Variants in CELF2 observed in about 807,000 individuals in gnomAD.
CELF2 encodes CUG triplet repeat RNA-binding protein 2.
A neutral mutation model predicts 62.6 loss-of-function variants in CELF2; 8 were observed. The ratio of observed to expected loss-of-function variants is 0.13; its 90% confidence interval spans 0.07 to 0.23. The LOEUF is 0.23. Among genes scored for constraint, CELF2 ranks in the 10% least tolerant of loss-of-function variants. CELF2 has a pLI of 1.00. For synonymous variants in CELF2, 258 were observed against 250.0 expected (o/e 1.03, Z -0.30); for missense variants, 333 against 671.0 (o/e 0.50, Z 5.56).
intron 2 of CELF2, among the ~76,000 whole-genome samples, chr10:10,927,600 A>G (rs935711284): frequency 6.6e-6 from 1 of 151,906 alleles, no homozygotes; most frequent in Non-Finnish European, 1.5e-5. Context: ...GCTAATTTTG[A>G]ACATTTTTTG....
chr10:11,221,952 C>T (rs1000294489), intron 3 of CELF2, among the ~76,000 whole-genome samples: 3 of 152,182 alleles, frequency 2.0e-5, no homozygotes, highest in Non-Finnish European at 4.4e-5. Context: ...AACAAATGAG[C>T]CTGATCCAAT....
rs544486942 is a variant in CELF2, at chr10:11,196,848, G to A, written c.272-20577G>A. Among the ~76,000 whole-genome samples, 6 of 150,992 alleles carry A rather than the reference G, an allele frequency of 4.0e-5. No individual in the cohort carries two copies. The South Asian group carries it at 1.3e-3, about 32-fold the overall frequency. ...GGCGCATGCGCTTGTAATCCCAGCC[G>A]CTCATGGGGCTGAGGCAGGAGAATG... On this transcript the variant is annotated intron_variant, in intron 2 of 12. Transcript: ENST00000633077.
chr10:10,831,353 G>C (rs752606672), intron 1 of CELF2, among the ~76,000 whole-genome samples: 8 of 152,218 alleles, frequency 5.3e-5, no homozygotes, highest in Non-Finnish European at 8.8e-5. Context: ...TCTGGAACAA[G>C]GTTTCCGAAG....
At chr10:11,047,804 C>T (rs2063134161) in intron 1 of CELF2, among the ~76,000 whole-genome samples, 1 of 152,110 alleles carries the variant, frequency 6.6e-6, no homozygotes, top group Non-Finnish European at 1.5e-5. Context: ...CATTTTCATT[C>T]TTATGTTGCC....
chr10:11,240,004 G>C (rs763545510), intron 3 of CELF2, among the ~76,000 whole-genome samples: 7 of 152,128 alleles, frequency 4.6e-5, no homozygotes, highest in African/African-American at 7.2e-5. Context: ...GTGAGCTAAC[G>C]TCATGCCATT....
the CELF2 span, among the ~76,000 whole-genome samples, chr10:10,592,393 G>T: frequency 6.6e-6 from 1 of 152,104 alleles, no homozygotes; most frequent in Non-Finnish European, 1.5e-5. Flanking sequence ...AATGGATTCC[G>T]ATTTCTATTT....
the CELF2 span, among the ~76,000 whole-genome samples, chr10:10,515,759 C>G: frequency 6.6e-6 from 1 of 152,104 alleles, no homozygotes; most frequent in African/African-American, 2.4e-5. Flanking sequence ...AGTAGGCATG[C>G]GAATTTGGGT....
intron 1 of CELF2, among the ~76,000 whole-genome samples, chr10:11,084,945 A>G (rs1163754738): frequency 6.6e-6 from 1 of 152,224 alleles, no homozygotes; most frequent in Admixed American, 6.5e-5. Context: ...ACACATTAAA[A>G]GTATCCTTTT....
At chr10:11,168,662 C>G (rs1430051048) in intron 2 of CELF2, among the ~76,000 whole-genome samples, 1 of 152,158 alleles carries the variant, frequency 6.6e-6, no homozygotes, top group Non-Finnish European at 1.5e-5. Context: ...TGATTCATTG[C>G]CTTACCCGTG....
chr10:11,216,249 C>G (rs1327077185), intron 2 of CELF2, among the ~76,000 whole-genome samples: 2 of 152,158 alleles, frequency 1.3e-5, no homozygotes, highest in African/African-American at 4.8e-5. Flanking sequence ...ATTTCTCTTC[C>G]AAACGAGGAA....
the CELF2 span, among the ~76,000 whole-genome samples, chr10:10,762,448 T>C: frequency 6.6e-6 from 1 of 152,140 alleles, no homozygotes; most frequent in Non-Finnish European, 1.5e-5. Context: ...GAAAATCATC[T>C]GAGAATTTCG....
the CELF2 span, among the ~76,000 whole-genome samples, chr10:10,522,822 G>A: frequency 4.6e-5 from 7 of 152,114 alleles, no homozygotes; most frequent in African/African-American, 1.2e-4. Context: ...CACCTGCCTC[G>A]GCCTCCCAAA....
At chr10:10,637,864 T>C in the CELF2 span, among the ~76,000 whole-genome samples, 1 of 152,310 alleles carries the variant, frequency 6.6e-6, no homozygotes, top group Non-Finnish European at 1.5e-5. Context: ...AGGGGTTAAG[T>C]AGAATTTCTG....
chr10:11,118,011 A>C (rs182308061), intron 1 of CELF2, among the ~76,000 whole-genome samples: 1 of 152,220 alleles, frequency 6.6e-6, no homozygotes, highest in South Asian at 2.1e-4. Context: ...TTTAAAAAAC[A>C]AAAGGGTAAT....
the CELF2 span, among the ~76,000 whole-genome samples, chr10:10,491,878 C>T: frequency 2.0e-5 from 3 of 152,098 alleles, no homozygotes; most frequent in African/African-American, 2.4e-5. Context: ...CCCAAATGAT[C>T]GTCTTTTCAT....
the CELF2 span, among the ~76,000 whole-genome samples, chr10:10,630,502 C>A: frequency 2.0e-5 from 3 of 152,166 alleles, no homozygotes; most frequent in African/African-American, 7.2e-5. Context: ...AATCATGAAG[C>A]ACCTTTCCTC....
At chr10:11,326,542 T>G (rs1040524669) in intron 12 of CELF2, among the ~76,000 whole-genome samples, 8 of 152,336 alleles carry the variant, frequency 5.3e-5, no homozygotes, top group South Asian at 2.1e-4. Context: ...TATCAGAGAC[T>G]CAGCTGCCAT....
At chr10:11,058,097 G>C (rs2065763730) in intron 1 of CELF2, among the ~76,000 whole-genome samples, 1 of 150,232 alleles carries the variant, frequency 6.7e-6, no homozygotes, top group Non-Finnish European at 1.5e-5. Flanking sequence ...GGAATCTAAT[G>C]TTAAAACCTG....
intron 2 of CELF2, among the ~76,000 whole-genome samples, chr10:11,209,239 C>T (rs1438956473): frequency 2.6e-5 from 4 of 152,052 alleles, no homozygotes; most frequent in Non-Finnish European, 4.4e-5. Context: ...GGGCTTTAGA[C>T]GGAGCTTGTG....
Sources: allele counts gnomAD v4.1 joint callset (sites outside exome capture counted in the v4.1 genomes callset), GRCh38; gene constraint gnomAD v4.1.1; transcripts MANE v1.5; gene names NCBI Gene and HGNC (gene_info 2026-07-23, HGNC 2026-07-21).